Variants in PTPRE observed in about 807,000 individuals in gnomAD.
PTPRE encodes receptor-type tyrosine-protein phosphatase epsilon.
A neutral mutation model predicts 102.0 loss-of-function variants in PTPRE; 51 were observed. The ratio of observed to expected loss-of-function variants is 0.50; its 90% CI spans 0.40 to 0.63. PTPRE has a LOEUF of 0.63. Ranked by LOEUF, PTPRE falls within the 30% of genes least tolerant of loss-of-function variation. PTPRE has a pLI of 0.00. For synonymous variants in PTPRE, 345 were observed against 348.2 expected (o/e 0.99, Z 0.10); for missense variants, 752 against 915.1 (o/e 0.82, Z 2.30).
At chr10:127,953,121 C>T (rs1008098719) in intron 1 of PTPRE, among the ~76,000 whole-genome samples, 1 of 152,216 alleles carries the variant, frequency 6.6e-6, no homozygotes, top group Non-Finnish European at 1.5e-5. Flanking sequence ...GCCCATCTAC[C>T]AAGTGACCTG....
rs1844701427 is a variant in PTPRE, at chr10:128,008,491, A to G, written c.-8+26195A>G. Among the ~76,000 whole-genome samples the G allele has an allele frequency of 6.6e-6, 1 of 152,212 alleles. No individual in the cohort carries two copies. The highest frequency in any genetic ancestry group is 2.4e-5 in the African/African-American group (1 of 41,454). Reference sequence around the variant, plus strand: ...CAGCCAGTCCCGGGTTTCTAAACCCAGTTGATCAATATCCCCTTTATTCTA... The same window carrying G: ...CAGCCAGTCCCGGGTTTCTAAACCCGGTTGATCAATATCCCCTTTATTCTA... On this transcript the variant is annotated intron_variant, in intron 2 of 20. Coordinates refer to ENST00000254667, the MANE Select transcript of PTPRE (RefSeq NM_006504.6). This position sits in a 1 kb window ranked among gnomAD's most constrained non-coding sequence, Gnocchi z 4.0.
chr10:128,082,021 A>G (rs1005246194), intron 20 of PTPRE, among the ~76,000 whole-genome samples: 1 of 152,162 alleles, frequency 6.6e-6, no homozygotes, highest in African/African-American at 2.4e-5. Context: ...CCCGGCCCCA[A>G]ACTCACATAT....
At chr10:128,027,142 G>T (rs1027058133) in intron 2 of PTPRE, among the ~76,000 whole-genome samples, 2 of 152,252 alleles carry the variant, frequency 1.3e-5, no homozygotes, top group African/African-American at 4.8e-5. Flanking sequence ...AGGCAATGAG[G>T]TGACGCTTAG....
intron 3 of PTPRE, among the ~76,000 whole-genome samples, chr10:128,043,356 G>A (rs1350853695): frequency 6.6e-6 from 1 of 152,224 alleles, no homozygotes; most frequent in South Asian, 2.1e-4. Context: ...TAAGGAGCAC[G>A]CAACCTAGAT....
At chr10:128,004,883 C>G (rs1308096374) in intron 2 of PTPRE, among the ~76,000 whole-genome samples, 4 of 152,328 alleles carry the variant, frequency 2.6e-5, no homozygotes, top group African/African-American at 9.6e-5. Flanking sequence ...CTTCTACATC[C>G]GTGCCAACAC....
intron 1 of PTPRE, among the ~76,000 whole-genome samples, chr10:127,919,146 A>G (rs1846418197): frequency 6.6e-6 from 1 of 152,192 alleles, no homozygotes; most frequent in Non-Finnish European, 1.5e-5. Context: ...TGCCCAGGAA[A>G]TGGACTTCAT....
rs767439502 is a variant in PTPRE, at chr10:128,070,962, A to G, written c.1387+61A>G. ...GGCGGGGCTGGTGCCGGAGGCTTTC[A>G]TCCTGGAGAAGCCATTGACCGCTTA... On this transcript the variant is annotated intron_variant, in intron 15 of 20. Transcript: ENST00000254667. The surrounding 1 kb of genome is among the most constrained non-coding windows in gnomAD (Gnocchi z 4.8). 14 of 1,520,636 alleles carry G rather than the reference A, an allele frequency of 9.2e-6. No homozygotes were observed. Among genetic ancestry groups the G allele is most frequent in the Non-Finnish European group, 1.3e-5 (14 of 1,100,048 alleles). 94.2% of individuals were successfully genotyped at this position (1,520,636 alleles called of 1,614,324 possible).
intron 1 of PTPRE, among the ~76,000 whole-genome samples, chr10:127,952,120 A>G (rs1272893046): frequency 2.0e-5 from 3 of 152,208 alleles, no homozygotes; most frequent in Non-Finnish European, 2.9e-5. Flanking sequence ...TCTCTAGCCT[A>G]TGTCACAATT....
intron 3 of PTPRE, among the ~76,000 whole-genome samples, chr10:128,046,149 T>C (rs1564921633): frequency 2.0e-5 from 3 of 152,144 alleles, no homozygotes; most frequent in African/African-American, 2.4e-5. Flanking sequence ...GTGCCAGGCC[T>C]GGGAGGGTAG....
rs375143559 is a variant in PTPRE at position 128,053,635 on chromosome 10, G to A, written c.421-2488G>A. ...ACCCTCTGTGCATCTGGGTGGCTACGCCCCATCTCCATGGTCTGGATCTCT... is the reference window on the plus strand; with the variant it reads ...ACCCTCTGTGCATCTGGGTGGCTACACCCCATCTCCATGGTCTGGATCTCT... On this transcript the variant is annotated intron_variant, in intron 6 of 20. Coordinates refer to ENST00000254667, the MANE Select transcript of PTPRE (RefSeq NM_006504.6). 1.8e-4 allele frequency among the ~76,000 whole-genome samples: 27 copies of A among 152,330 alleles called. No homozygotes were observed. In the South Asian group the frequency reaches 5.2e-3, roughly 29 times the overall value.
Position 128,047,784 on chromosome 10 carries a change from C to T in PTPRE, c.230C>T (p.Ala77Val), listed in dbSNP as rs200653312. The change falls in exon 5 of 21, where the codon GCT becomes GTT. Residue 77 changes from alanine to valine, a missense_variant. By Grantham distance (64) the Ala-to-Val change is moderately conservative. Around this residue, in one of 2 missense-constraint regions of PTPRE, gnomAD observed 636 missense variants for 824.4 expected, o/e 0.77. Coordinates refer to ENST00000254667, the MANE Select transcript of PTPRE (RefSeq NM_006504.6). ...YFFRFRKQRK[A>V]VVSTSDKKMP... ...CTAAGGTTCAGGAAGCAGAGGAAAG[C>T]TGTGGTCAGCACCAGCGACAAGAAG... is the stretch of plus-strand genomic sequence containing the variant. The T allele has an allele frequency of 2.5e-6, 4 of 1,608,558 alleles. No individual in the cohort carries two copies. Among genetic ancestry groups the T allele is most frequent in the Non-Finnish European group, 3.4e-6 (4 of 1,175,460 alleles).
intron 1 of PTPRE, chr10:127,934,302 T>C (rs1307274987): frequency 6.6e-6 from 1 of 152,084 alleles, no homozygotes; most frequent in Non-Finnish European, 1.5e-5. Context: ...ATGTGAACCT[T>C]GTTGTATTAA....
chr10:128,028,060 C>G lies in PTPRE; in HGVS notation c.-7-12815C>G, dbSNP rs747009186. Among the ~76,000 whole-genome samples the G allele has an allele frequency of 1.3e-5, 2 of 152,168 alleles. No individual in the cohort carries two copies. Among genetic ancestry groups the G allele is most frequent in the African/African-American group, 2.4e-5 (1 of 41,438 alleles). On this transcript the variant is annotated intron_variant, in intron 2 of 20. Transcript: ENST00000254667. This position sits in a 1 kb window ranked among gnomAD's most constrained non-coding sequence, Gnocchi z 4.5. ...GGAGGGTTCCGGCTTTGGCTGGGGG[C>G]GTGGGAGTCTCCAGAGGCAGCGAGC...
intron 2 of PTPRE, among the ~76,000 whole-genome samples, chr10:127,985,321 G>T (rs879341867): frequency 2.3e-4 from 35 of 152,252 alleles, no homozygotes; most frequent in Non-Finnish European, 4.3e-4. Flanking sequence ...GGTGGCTCAT[G>T]CCTGTAATCC....
chr10:127,962,180 G>A (rs1191030498), intron 1 of PTPRE, among the ~76,000 whole-genome samples: 3 of 152,210 alleles, frequency 2.0e-5, no homozygotes, highest in Non-Finnish European at 2.9e-5. Context: ...GTGCCAGTGG[G>A]GGGTGAGGAA....
intron 2 of PTPRE, among the ~76,000 whole-genome samples, chr10:128,026,390 G>T (rs1846294436): frequency 6.6e-6 from 1 of 152,222 alleles, no homozygotes; most frequent in Non-Finnish European, 1.5e-5. Flanking sequence ...CCACCTGGCT[G>T]GCACCTGACC....
At chr10:127,995,761 A>G (rs1853185978) in intron 2 of PTPRE, among the ~76,000 whole-genome samples, 1 of 152,004 alleles carries the variant, frequency 6.6e-6, no homozygotes, top group Non-Finnish European at 1.5e-5. Flanking sequence ...TCAGGCCACA[A>G]ACTAATCATT....
At position 128,066,747 on chromosome 10, in the gene PTPRE, A is replaced by G. The variant is rs75046806; in HGVS notation, c.843+553A>G. Among the ~76,000 whole-genome samples, 886 of 152,358 alleles carry G rather than the reference A, an allele frequency of 5.8e-3. 60 individuals are homozygous for G. The East Asian group carries it at 0.14, about 24-fold the overall frequency. On this transcript the variant is annotated intron_variant, in intron 11 of 20. Transcript: ENST00000254667. Reference sequence around the variant, plus strand: ...TTTGTCAGGATTTAAAGATACAGTCATTGGCATAATTAGGTCACAAAATAA... The same window carrying G: ...TTTGTCAGGATTTAAAGATACAGTCGTTGGCATAATTAGGTCACAAAATAA...
intron 2 of PTPRE, among the ~76,000 whole-genome samples, chr10:128,012,457 G>T (rs887899083): frequency 1.3e-5 from 2 of 152,102 alleles, no homozygotes; most frequent in African/African-American, 4.8e-5. Flanking sequence ...CCCTTGCTTT[G>T]CTGAGAAGCC....
Sources: gnomAD v4.1 joint callset for allele counts (sites outside exome capture counted in the v4.1 genomes callset) on GRCh38, gnomAD v4.1.1 for gene constraint, gnomAD v4.1.1 regional missense constraint, Gnocchi (gnomAD v3.1) non-coding constraint, MANE v1.5 for transcripts, NCBI Gene and HGNC (gene_info 2026-07-23, HGNC 2026-07-21) for gene names.